ADAMTS8: variants seen among roughly 807,000 people sequenced by gnomAD.
ADAMTS8 encodes A disintegrin and metalloproteinase with thrombospondin motifs 8.
ADAMTS8 carries 50 observed loss-of-function variants against 64.4 expected under a neutral mutation model. That is an observed-to-expected ratio of 0.78 (90% CI 0.62 to 0.98). The LOEUF (loss-of-function observed/expected upper bound fraction) is 0.98, where lower values mean the gene tolerates loss of function less well. Among genes scored for constraint, ADAMTS8 ranks in the 50% least tolerant of loss-of-function variants. The pLI is 0.00. For synonymous variants in ADAMTS8, 556 were observed against 533.6 expected (o/e 1.04, Z -0.58); for missense variants, 1,192 against 1,208.2 (o/e 0.99, Z 0.20).
chr11:130,418,974 G>T, intron 2 of ADAMTS8, 79 bp downstream of exon 2: 2 of 1,590,220 alleles, frequency 1.3e-6, no homozygotes, highest in Non-Finnish European at 1.7e-6. Context: ...CCCATGTTTG[G>T]GCAGGCCTCG....
chr11:130,421,980 C>G (rs976819209), intron 1 of ADAMTS8, among the ~76,000 whole-genome samples: 1 of 152,232 alleles, frequency 6.6e-6, no homozygotes, highest in Non-Finnish European at 1.5e-5. Context: ...CAGCCGCCCC[C>G]CAAACCACGG....
chr11:130,428,091 G>A lies in ADAMTS8; in HGVS notation c.196C>T (p.Leu66=), dbSNP rs1862202365. 6.5e-7 allele frequency: 1 copy of A among 1,536,000 alleles called. No homozygotes were observed. The highest frequency in any genetic ancestry group is 8.7e-7 in the Non-Finnish European group (1 of 1,150,644). ...AAGCTGTCGTCGGGCGCCAGGCGCA[G>A]CACGAAGCCCTTGCCGAAGGCGGAC... is the stretch of plus-strand genomic sequence containing the variant. ...HLSAFGKGFV[L]RLAPDDSFLA... The change falls in exon 1 of 9, where the codon CTG becomes TTG. Residue 66 remains leucine, a synonymous_variant. Transcript: ENST00000257359.
rs1435573158 is a variant in ADAMTS8, at chr11:130,428,373, G to A, written c.-87C>T. On this transcript the variant is annotated 5_prime_UTR_variant, in exon 1 of 9. Coordinates refer to ENST00000257359, the MANE Select transcript of ADAMTS8 (RefSeq NM_007037.6). ...CTGGCGGCCCGAGCGCGGCCCGGCC[G>A]CTCTCTCCAGGAAAAGCGGAATCAA... The A allele has an allele frequency of 7.4e-6, 9 of 1,209,246 alleles. No homozygotes were observed. Among genetic ancestry groups the A allele is most frequent in the South Asian group, 1.9e-5 (1 of 52,282 alleles). The allele number at this position is 1,209,246 out of a possible 1,614,324, so 74.9% of individuals were successfully genotyped here.
At chr11:130,423,679 C>G (rs558204604) in intron 1 of ADAMTS8, among the ~76,000 whole-genome samples, 1 of 152,212 alleles carries the variant, frequency 6.6e-6, no homozygotes, top group South Asian at 2.1e-4. Flanking sequence ...ACTTTTCGGA[C>G]CCTCTCTGCT....
At position 130,411,717 on chromosome 11, in the gene ADAMTS8, G is replaced by T; in HGVS notation, c.1567-117C>A. The stretch of plus-strand genomic sequence containing the variant: ...TCTAGTCATTATCATCTTGGTGCAT[G>T]GAGTGCCGTAAACTGCCTCAATCAT... On this transcript the variant is annotated intron_variant, in intron 5 of 8. Transcript: ENST00000257359. The surrounding 1 kb of genome is among the most constrained non-coding windows in gnomAD (Gnocchi z 4.2). 1.9e-6 allele frequency: 2 copies of T among 1,064,758 alleles called. No homozygotes were observed. The highest frequency in any genetic ancestry group is 2.7e-6 in the Non-Finnish European group (2 of 734,110). The allele number at this position is 1,064,758 out of a possible 1,614,324, so 66.0% of individuals were successfully genotyped here. A position where few individuals can be genotyped will look rare whatever the true frequency, so the allele number is the denominator to read the frequency against.
intron 1 of ADAMTS8, among the ~76,000 whole-genome samples, chr11:130,422,343 C>T (rs1199888999): frequency 2.6e-5 from 4 of 152,072 alleles, no homozygotes; most frequent in African/African-American, 4.8e-5. Context: ...CTTTGAGATA[C>T]GAACAAGGAG....
At chr11:130,413,964 C>T (rs1414570678) in intron 5 of ADAMTS8, among the ~76,000 whole-genome samples, 2 of 152,170 alleles carry the variant, frequency 1.3e-5, no homozygotes, top group African/African-American at 2.4e-5. Context: ...AAAGCAGCTC[C>T]CTAATGTCTG....
chr11:130,414,474 C>A (rs1861993057), intron 5 of ADAMTS8, 57 bp downstream of exon 5: 1 of 1,527,748 alleles, frequency 6.5e-7, no homozygotes, highest in Non-Finnish European at 8.8e-7. Context: ...TCAGTCCTCC[C>A]CATTTCCTTT....
Position 130,405,834 on chromosome 11 carries a change from G to T in ADAMTS8, c.2394C>A (p.Phe798Leu), listed in dbSNP as rs1323155034. 1.2e-6 allele frequency: 2 copies of T among 1,613,932 alleles called. No homozygotes were observed. Among genetic ancestry groups the T allele is most frequent in the Non-Finnish European group, 8.5e-7 (1 of 1,180,058 alleles). ...VQLLTVPGEV[F>L]PPKVKYTFFV... ...AGAAGGTGTATTTGACTTTTGGGGG[G>T]AAGACCTCGCCAGGGACTGTCAGGA... The change falls in exon 9 of 9, where the codon TTC becomes TTA. Residue 798 changes from phenylalanine to leucine, a missense_variant. Physicochemically the swap from Phe to Leu is conservative, Grantham distance 22. Coordinates refer to ENST00000257359, the MANE Select transcript of ADAMTS8 (RefSeq NM_007037.6).
chr11:130,406,637 G>A (rs1456226622), intron 8 of ADAMTS8, among the ~76,000 whole-genome samples: 1 of 148,472 alleles, frequency 6.7e-6, no homozygotes, highest in Non-Finnish European at 1.5e-5. Flanking sequence ...TCGGCTCCTA[G>A]TATTTGATGA....
At chr11:130,420,714 C>T (rs902797204) in intron 1 of ADAMTS8, among the ~76,000 whole-genome samples, 1 of 152,138 alleles carries the variant, frequency 6.6e-6, no homozygotes, top group African/African-American at 2.4e-5. Context: ...GTTAGCCCTA[C>T]AAGCAGGGGT....
At chr11:130,409,411 T>C (rs1861925830) in intron 6 of ADAMTS8, among the ~76,000 whole-genome samples, 1 of 152,158 alleles carries the variant, frequency 6.6e-6, no homozygotes, top group South Asian at 2.1e-4. Context: ...TAATTCTGGG[T>C]GTCCCTGGGG....
At chr11:130,423,390 A>G (rs2134690784) in intron 1 of ADAMTS8, among the ~76,000 whole-genome samples, 1 of 152,280 alleles carries the variant, frequency 6.6e-6, no homozygotes, top group East Asian at 1.9e-4. Flanking sequence ...GTAGCCACAG[A>G]GCAGGGGGGG....
chr11:130,427,755 C>G lies in ADAMTS8; in HGVS notation c.532G>C (p.Glu178Gln), dbSNP rs1016566948. 25 of 1,596,190 alleles carry G rather than the reference C, an allele frequency of 1.6e-5. No individual in the cohort carries two copies. The highest frequency in any genetic ancestry group is 2.1e-5 in the Non-Finnish European group (25 of 1,172,384). The change falls in exon 1 of 9, where the codon GAG (glutamate) becomes CAG (glutamine). Residue 178 changes from glutamate (E) to glutamine (Q), a missense_variant. Physicochemically the swap from Glu to Gln is conservative, Grantham distance 29 (BLOSUM62 2). This residue lies in a region of ADAMTS8 where 741 missense variants were observed against 710.6 expected (regional missense o/e 1.04). Transcript: ENST00000257359. ...EVETGEGQRQERGDHQEDSEE... is the reference protein window; with the variant it reads ...EVETGEGQRQQRGDHQEDSEE... ...CTGTCCTCCTGGTGGTCTCCTCTCT[C>G]CTGCCTCTGACCCTCTCCCGTCTCC...
At chr11:130,424,643 G>T (rs1467022630) in intron 1 of ADAMTS8, among the ~76,000 whole-genome samples, 1 of 152,212 alleles carries the variant, frequency 6.6e-6, no homozygotes, top group Non-Finnish European at 1.5e-5. Context: ...TGCAGGAGGT[G>T]GGTGTGGGCA....
intron 8 of ADAMTS8, among the ~76,000 whole-genome samples, chr11:130,407,538 T>G (rs890811641): frequency 1.2e-4 from 19 of 152,044 alleles, no homozygotes; most frequent in Non-Finnish European, 2.5e-4. Flanking sequence ...CTAGGTAGAA[T>G]ACAATACAGT....
rs1439097827 is a variant in ADAMTS8, at chr11:130,427,581, C to T, written c.706G>A (p.Gly236Arg). 4.5e-6 allele frequency: 7 copies of T among 1,539,250 alleles called. No homozygotes were observed. The highest frequency in any genetic ancestry group is 3.9e-5 in the Admixed American group (2 of 50,966). ...VADASMAAFYGADLQNHILTL... is the reference protein window; with the variant it reads ...VADASMAAFYRADLQNHILTL... ...CTCAGTCCTACCTGCAGGTCGGCCC[C>T]GTAGAAGGCAGCCATGGACGCATCG... The change falls in exon 1 of 9, where the codon GGG (glycine) becomes AGG (arginine). Residue 236 changes from glycine to arginine, a missense_variant. This residue lies in a region of ADAMTS8 where 741 missense variants were observed against 710.6 expected (regional missense o/e 1.04). Coordinates refer to ENST00000257359, the MANE Select transcript of ADAMTS8 (RefSeq NM_007037.6).
chr11:130,418,884 C>A (rs1387886213), intron 2 of ADAMTS8, among the ~76,000 whole-genome samples, 169 bp downstream of exon 2: 1 of 127,290 alleles, frequency 7.9e-6, no homozygotes, highest in Non-Finnish European at 1.6e-5. Context: ...TTGCAAATAC[C>A]TCACACTTGT....
intron 8 of ADAMTS8, among the ~76,000 whole-genome samples, chr11:130,406,891 G>T (rs1456741982): frequency 6.6e-6 from 1 of 152,136 alleles, no homozygotes; most frequent in African/African-American, 2.4e-5. Flanking sequence ...AAAGTGAGGC[G>T]AGTGGTCAGG....
Sources: allele counts gnomAD v4.1 joint callset (sites outside exome capture counted in the v4.1 genomes callset), GRCh38; gene constraint gnomAD v4.1.1; regional missense constraint gnomAD v4.1.1; non-coding constraint Gnocchi (gnomAD v3.1); transcripts MANE v1.5; gene names NCBI Gene and HGNC (gene_info 2026-07-23, HGNC 2026-07-21).